Variants in IL1RAPL1 observed in about 807,000 individuals in gnomAD.
The protein encoded by IL1RAPL1 is interleukin 1 receptor accessory protein like 1.
IL1RAPL1 carries 3 observed loss-of-function variants against 48.4 expected under a neutral mutation model. The observed-to-expected ratio is 0.06, with a 90% CI of 0.03 to 0.16. IL1RAPL1 has a LOEUF of 0.16. IL1RAPL1 is among the 10% of genes least tolerant of loss of function. The pLI, the probability that IL1RAPL1 is intolerant of heterozygous loss-of-function variation, is 1.00. For missense variants in IL1RAPL1, 349 were observed against 530.6 expected (o/e 0.66, Z 3.36); for synonymous variants, 185 against 187.7 (o/e 0.99, Z 0.12).
intron 2 of IL1RAPL1, among the ~76,000 whole-genome samples, chrX:28,972,223 AC>A (rs1326147856): frequency 9.0e-6 from 1 of 111,057 alleles, no homozygotes; most frequent in Non-Finnish European, 1.9e-5. Context: ...TGAAATCCAA[AC>A]TTTTTGGCAT....
rs746741893 is a variant in IL1RAPL1, at chrX:29,920,985, G to C, written c.1057+891G>C. Among the ~76,000 whole-genome samples the C allele has an allele frequency of 5.4e-5, 6 of 110,504 alleles. No homozygotes were observed. In the South Asian group the frequency reaches 1.9e-3, roughly 35 times the overall value. ...TTTCTGCCTTGGATAACTTTCATTTGTACAATAGTCTCCAATGATGAATAA... is the reference window on the plus strand; with the variant it reads ...TTTCTGCCTTGGATAACTTTCATTTCTACAATAGTCTCCAATGATGAATAA... On this transcript the variant is annotated intron_variant, in intron 8 of 10. Coordinates refer to ENST00000378993, the MANE Select transcript of IL1RAPL1 (RefSeq NM_014271.4).
intron 2 of IL1RAPL1, among the ~76,000 whole-genome samples, chrX:29,025,016 A>G (rs1926453672): frequency 9.0e-6 from 1 of 111,397 alleles, no homozygotes; most frequent in Admixed American, 9.6e-5. Flanking sequence ...TTCTGTTTCT[A>G]TAGGTTTGCC....
chrX:28,811,763 T>C (rs753017844), intron 2 of IL1RAPL1, among the ~76,000 whole-genome samples: 1 of 111,420 alleles, frequency 9.0e-6, no homozygotes, highest in Admixed American at 9.5e-5. Flanking sequence ...GGTGTTGAGA[T>C]GTGCAAGACT....
chrX:29,535,897 T>C (rs1055847802), intron 5 of IL1RAPL1, among the ~76,000 whole-genome samples: 5 of 112,157 alleles, frequency 4.5e-5, no homozygotes, highest in Non-Finnish European at 9.4e-5. Context: ...TTTATAAATG[T>C]GCATAGCTAT....
chrX:29,093,559 A>G (rs1027659010), intron 2 of IL1RAPL1, among the ~76,000 whole-genome samples: 11 of 111,599 alleles, frequency 9.9e-5, no homozygotes, highest in African/African-American at 3.3e-4. Context: ...TGAATGATAG[A>G]AAGACATGTT....
At chrX:29,369,649 C>G (rs1266770259) in intron 3 of IL1RAPL1, 4 of 111,479 alleles carry the variant, frequency 3.6e-5, no homozygotes, top group African/African-American at 1.3e-4. Flanking sequence ...CTGGCCCCAC[C>G]CTTGACACTT....
At chrX:29,470,459 A>T (rs1244510006) in intron 5 of IL1RAPL1, among the ~76,000 whole-genome samples, 1 of 111,331 alleles carries the variant, frequency 9.0e-6, no homozygotes, top group Non-Finnish European at 1.9e-5. Flanking sequence ...TTATTGGACC[A>T]TGATAAGTGA....
At chrX:29,246,814 A>C (rs1054214817) in intron 2 of IL1RAPL1, among the ~76,000 whole-genome samples, 1 of 111,141 alleles carries the variant, frequency 9.0e-6, no homozygotes, top group African/African-American at 3.3e-5. Context: ...AGCTGTTCCC[A>C]AAGATTGAGA....
intron 2 of IL1RAPL1, among the ~76,000 whole-genome samples, chrX:29,236,930 T>G (rs1276509074): frequency 1.8e-5 from 2 of 109,586 alleles, no homozygotes; most frequent in Non-Finnish European, 3.8e-5. Flanking sequence ...ACCTTATATA[T>G]CCCATATTAG....
chrX:29,159,567 A>C (rs1929640403), intron 2 of IL1RAPL1, among the ~76,000 whole-genome samples: 1 of 112,101 alleles, frequency 8.9e-6, no homozygotes, highest in Non-Finnish European at 1.9e-5. Flanking sequence ...TGAATTTCTG[A>C]AGTGACACAC....
At chrX:29,823,572 C>T (rs137948544) in intron 6 of IL1RAPL1, among the ~76,000 whole-genome samples, 3,210 of 111,771 alleles carry the variant, frequency 0.029, 99 homozygotes, top group African/African-American at 0.099. Context: ...GCACCAGTGC[C>T]TTGAAGAGTG....
At chrX:29,876,589 G>T (rs1931909373) in intron 6 of IL1RAPL1, among the ~76,000 whole-genome samples, 2 of 111,141 alleles carry the variant, frequency 1.8e-5, no homozygotes, top group Admixed American at 9.6e-5. Context: ...ACCAGAATCT[G>T]CCAATAACAA....
chrX:29,888,784 G>A (rs1932218469), intron 6 of IL1RAPL1, among the ~76,000 whole-genome samples: 1 of 111,789 alleles, frequency 8.9e-6, no homozygotes, highest in African/African-American at 3.2e-5. Flanking sequence ...AATTCATTAT[G>A]CTATAATAAA....
At chrX:29,064,622 T>C (rs906315431) in intron 2 of IL1RAPL1, among the ~76,000 whole-genome samples, 3 of 111,567 alleles carry the variant, frequency 2.7e-5, no homozygotes, top group African/African-American at 6.5e-5. Flanking sequence ...CGCTCTGTCG[T>C]CCAGGCTGGA....
At chrX:29,820,647 G>A (rs995397251) in intron 6 of IL1RAPL1, among the ~76,000 whole-genome samples, 15 of 111,732 alleles carry the variant, frequency 1.3e-4, no homozygotes, top group East Asian at 2.8e-4. Flanking sequence ...TTTCATGCTG[G>A]CCCTCCCATC....
chrX:29,036,765 A>G (rs1926740700), intron 2 of IL1RAPL1, among the ~76,000 whole-genome samples: 1 of 111,528 alleles, frequency 9.0e-6, no homozygotes, highest in South Asian at 3.8e-4. Flanking sequence ...GAGAAATAAT[A>G]GAATCAATAC....
At chrX:28,779,634 G>GTATATATATA (rs1183080798) in intron 1 of IL1RAPL1, among the ~76,000 whole-genome samples, 81 of 38,300 alleles carry the variant, frequency 2.1e-3, no homozygotes, top group Non-Finnish European at 3.0e-3. Context: ...GTGTGTGTGT[G>GTATATATATA]TATATATATA....
chrX:29,623,732 C>G (rs372501751), intron 5 of IL1RAPL1, among the ~76,000 whole-genome samples: 7 of 112,144 alleles, frequency 6.2e-5, no homozygotes, highest in African/African-American at 1.9e-4. Context: ...AAAGCAAACA[C>G]CTGGTTTGCT....
At chrX:29,627,874 T>G (rs1274636133) in intron 5 of IL1RAPL1, among the ~76,000 whole-genome samples, 1 of 112,374 alleles carries the variant, frequency 8.9e-6, no homozygotes, top group Non-Finnish European at 1.9e-5. Flanking sequence ...CCAATGCTAC[T>G]GTAACATTGC....
Sources: gnomAD v4.1 joint callset for allele counts (sites outside exome capture counted in the v4.1 genomes callset) on GRCh38, gnomAD v4.1.1 for gene constraint, MANE v1.5 for transcripts, NCBI Gene and HGNC (gene_info 2026-07-23, HGNC 2026-07-21) for gene names.